The following SERAC1 variants were observed in gnomAD, a reference collection of about 807,000 sequenced individuals.
SERAC1 encodes protein SERAC1.
SERAC1 carries 36 observed loss-of-function variants against 85.7 expected under a neutral mutation model. That is an observed-to-expected ratio of 0.42 (90% CI 0.32 to 0.55). The LOEUF is 0.55. Among genes scored for constraint, SERAC1 ranks in the 20% least tolerant of loss-of-function variants. The probability of loss-of-function intolerance (pLI) is 0.11; values close to 1 mark genes in which losing one functional copy is unlikely to be tolerated. For missense variants in SERAC1, 629 were observed against 796.2 expected (o/e 0.79, Z 2.53); for synonymous variants, 242 against 265.3 (o/e 0.91, Z 0.85).
At chr6:158,135,249 A>G (rs1784763405) in intron 8 of SERAC1, among the ~76,000 whole-genome samples, 1 of 152,168 alleles carries the variant, frequency 6.6e-6, no homozygotes. Flanking sequence ...AAGCTGTCAT[A>G]GGCTGGGTGC....
At position 158,118,634 on chromosome 6, in the gene SERAC1, A is replaced by G. The variant is rs188921775; in HGVS notation, c.1308+395T>C. 9.1e-3 allele frequency among the ~76,000 whole-genome samples: 1,373 copies of G among 151,304 alleles called. 23 individuals are homozygous for G. The highest frequency in any genetic ancestry group is 0.031 in the African/African-American group (1,276 of 40,920). On this transcript the variant is annotated intron_variant, in intron 12 of 16. Coordinates refer to ENST00000647468, the MANE Select transcript of SERAC1 (RefSeq NM_032861.4). ...CCCTCATCTCAAAAAAAAAAAAAAAAAAGAAGGAAAGAAATGCAAAGTATA... is the reference window on the plus strand; with the variant it reads ...CCCTCATCTCAAAAAAAAAAAAAAAGAAGAAGGAAAGAAATGCAAAGTATA...
intron 16 of SERAC1, 195 bp from the exon 17 acceptor site, chr6:158,111,697 A>G (rs1036507558): frequency 1.3e-5 from 6 of 450,846 alleles, no homozygotes; most frequent in Non-Finnish European, 2.4e-5. Context: ...ATTCTCAGTC[A>G]GTAGAACCAT....
At chr6:158,132,420 T>C (rs1168849207) in intron 8 of SERAC1, among the ~76,000 whole-genome samples, 2 of 152,192 alleles carry the variant, frequency 1.3e-5, no homozygotes, top group African/African-American at 2.4e-5. Flanking sequence ...GGCTAAGTCA[T>C]GAAAAGTCGT....
chr6:158,134,827 TCTC>T (rs1312903585), intron 8 of SERAC1, among the ~76,000 whole-genome samples: 1 of 152,034 alleles, frequency 6.6e-6, no homozygotes, highest in African/African-American at 2.4e-5. Flanking sequence ...TCTCAAAGTA[TCTC>T]CTCCTCCTAA....
chr6:158,130,288 G>T, intron 9 of SERAC1, 85 bp downstream of exon 9: 1 of 658,154 alleles, frequency 1.5e-6, no homozygotes, highest in South Asian at 3.0e-5. Flanking sequence ...TACAGTAAAT[G>T]ATTATTGCCC....
intron 5 of SERAC1, 140 bp from the exon 6 acceptor site, chr6:158,147,053 T>C (rs931253892): frequency 4.9e-6 from 4 of 815,382 alleles, no homozygotes. Flanking sequence ...TAAAAACTAA[T>C]ATTATTTGTT....
At chr6:158,153,130 C>G (rs1562457235) in intron 3 of SERAC1, among the ~76,000 whole-genome samples, 1 of 152,156 alleles carries the variant, frequency 6.6e-6, no homozygotes, top group Admixed American at 6.5e-5. Context: ...ATGTGCTTTT[C>G]TTTACAGTTT....
At chr6:158,113,653 AT>A (rs775967310) in intron 15 of SERAC1, 61 bp from the exon 16 acceptor site, 1 of 1,391,638 alleles carries the variant, frequency 7.2e-7, no homozygotes, top group Non-Finnish European at 9.8e-7. Context: ...AATAAAATGC[AT>A]TAATCTTTCA....
rs1784318916 is a variant in SERAC1 at position 158,117,529 on chromosome 6, T to C, written c.1403+198A>G. 1.3e-6 allele frequency: 2 copies of C among 1,550,506 alleles called. No homozygotes were observed. The highest frequency in any genetic ancestry group is 2.0e-5 in the Admixed American group (1 of 50,984). Reference sequence around the variant, plus strand: ...TGTTAGGAGCCCACCATTGGTGATATACCTAAGCCTTCTACTATTCCACTG... The same window carrying C: ...TGTTAGGAGCCCACCATTGGTGATACACCTAAGCCTTCTACTATTCCACTG... On this transcript the variant is annotated intron_variant, in intron 13 of 16. Transcript: ENST00000647468. The surrounding 1 kb of genome is among the most constrained non-coding windows in gnomAD (Gnocchi z 4.3).
chr6:158,146,671 A>G, intron 6 of SERAC1, 111 bp downstream of exon 6: 3 of 1,387,752 alleles, frequency 2.2e-6, no homozygotes, highest in Non-Finnish European at 3.0e-6. Flanking sequence ...TGGCCTCCCA[A>G]AGTGCTGGGA....
At chr6:158,133,766 T>C (rs1415783700) in intron 8 of SERAC1, among the ~76,000 whole-genome samples, 4 of 152,196 alleles carry the variant, frequency 2.6e-5, no homozygotes, top group Non-Finnish European at 5.9e-5. Context: ...AAAATGATGT[T>C]CATTCTAAAG....
intron 6 of SERAC1, among the ~76,000 whole-genome samples, chr6:158,145,101 A>G (rs187965814): frequency 2.3e-3 from 354 of 152,190 alleles, no homozygotes; most frequent in African/African-American, 8.3e-3. Flanking sequence ...AAAATTAGCC[A>G]GGCGTGGTGG....
chr6:158,123,812 T>G, intron 10 of SERAC1, among the ~76,000 whole-genome samples: 1 of 151,948 alleles, frequency 6.6e-6, no homozygotes, highest in East Asian at 1.9e-4. Context: ...AGGGAGGAAG[T>G]AAAGAATAAA....
chr6:158,167,575 G>A (rs1473469993), intron 1 of SERAC1, among the ~76,000 whole-genome samples: 1 of 150,290 alleles, frequency 6.7e-6, no homozygotes, highest in African/African-American at 2.4e-5. Context: ...AGCTTAATGC[G>A]GGAAGTACAA....
At chr6:158,156,956 A>G (rs1785364387) in intron 2 of SERAC1, among the ~76,000 whole-genome samples, 1 of 139,774 alleles carries the variant, frequency 7.2e-6, no homozygotes, top group African/African-American at 2.7e-5. Context: ...ATATATTTAT[A>G]TAAATATTAA....
chr6:158,143,020 CT>C, intron 8 of SERAC1, 35 bp downstream of exon 8: 1 of 1,560,236 alleles, frequency 6.4e-7, no homozygotes, highest in Non-Finnish European at 8.8e-7. Flanking sequence ...AGGGTGGACA[CT>C]CAAAAATATT....
chr6:158,167,233 A>C (rs1409330353), intron 1 of SERAC1, among the ~76,000 whole-genome samples: 1 of 150,266 alleles, frequency 6.7e-6, no homozygotes, highest in African/African-American at 2.4e-5. Context: ...TAAAAAAAAA[A>C]AAAAAAAAAA....
At chr6:158,113,061 G>A (rs144986965) in intron 16 of SERAC1, 349 of 232,456 alleles carry the variant, frequency 1.5e-3, no homozygotes, top group East Asian at 4.1e-3. Context: ...TTCTATTTAC[G>A]AAAGCTTCCA....
At position 158,111,391 on chromosome 6, in the gene SERAC1, G is replaced by C; in HGVS notation, c.1940C>G (p.Ala647Gly). ...TTAGTTTTCAAGGTCTTTGGCTAAAGCTTCACGAATGAATTGTAAAGTACG... is the reference window on the plus strand; with the variant it reads ...TTAGTTTTCAAGGTCTTTGGCTAAACCTTCACGAATGAATTGTAAAGTACG... ...YQRTLQFIRE[A>G]LAKDLEN The change falls in exon 17 of 17, where the codon GCT becomes GGT. Residue 647 changes from alanine to glycine, a missense_variant. Coordinates refer to ENST00000647468, the MANE Select transcript of SERAC1 (RefSeq NM_032861.4). The C allele has an allele frequency of 6.2e-7, 1 of 1,600,754 alleles. No homozygotes were observed. The highest frequency in any genetic ancestry group is 8.5e-7 in the Non-Finnish European group (1 of 1,176,402).
Sources: allele counts gnomAD v4.1 joint callset (sites outside exome capture counted in the v4.1 genomes callset), GRCh38; gene constraint gnomAD v4.1.1; non-coding constraint Gnocchi (gnomAD v3.1); transcripts MANE v1.5; gene names NCBI Gene and HGNC (gene_info 2026-07-23, HGNC 2026-07-21).